Variants in ARMH3 observed in about 807,000 individuals in gnomAD.
ARMH3 encodes the protein armadillo like helical domain containing 3, also known as armadillo-like helical domain-containing protein 3.
In ARMH3, 60 loss-of-function variants were observed where a neutral mutation model predicts 99.1. The observed-to-expected ratio is 0.61, with a 90% CI of 0.49 to 0.75. The LOEUF (loss-of-function observed/expected upper bound fraction) is 0.75. Among genes scored for constraint, ARMH3 ranks in the 30% least tolerant of loss-of-function variants. ARMH3 has a pLI of 0.00. For synonymous variants in ARMH3, 285 were observed against 292.8 expected, an observed-to-expected ratio of 0.97 and a Z score of 0.27; for missense variants, 679 against 843.1, an observed-to-expected ratio of 0.81 and a Z score of 2.41.
chr10:101,939,824 A>T (rs763531776), intron 23 of ARMH3, 39 bp downstream of exon 23: 1 of 1,554,678 alleles, frequency 6.4e-7, no homozygotes, highest in Non-Finnish European at 8.9e-7. Context: ...CCTCAGGAAG[A>T]GCCAAGGAAC....
intron 20 of ARMH3, among the ~76,000 whole-genome samples, chr10:101,968,067 C>T (rs1845613122): frequency 6.6e-6 from 1 of 152,084 alleles, no homozygotes; most frequent in Non-Finnish European, 1.5e-5. Flanking sequence ...ATAAGGTTCT[C>T]AACCATCTTC....
intron 9 of ARMH3, among the ~76,000 whole-genome samples, 161 bp downstream of exon 9, chr10:102,013,807 C>CCATCTTCTCCTTACACCTAGCA (rs2066682257): frequency 6.6e-6 from 1 of 152,154 alleles, no homozygotes; most frequent in Non-Finnish European, 1.5e-5. Flanking sequence ...GACAGTAAAA[C>CCATCTTCTCCTTACACCTAGCA]GGTAGCACTG....
At chr10:102,015,793 C>A (rs1156280108) in intron 8 of ARMH3, among the ~76,000 whole-genome samples, 1 of 152,190 alleles carries the variant, frequency 6.6e-6, no homozygotes, top group Non-Finnish European at 1.5e-5. Flanking sequence ...AGCTAAGTTT[C>A]TATTTCCTCA....
At chr10:102,045,588 G>C (rs2067528617) in intron 1 of ARMH3, among the ~76,000 whole-genome samples, 1 of 152,220 alleles carries the variant, frequency 6.6e-6, no homozygotes, top group African/African-American at 2.4e-5. Context: ...TGCCTAAACA[G>C]AGCATAAACA....
intron 14 of ARMH3, 130 bp downstream of exon 14, chr10:102,006,410 G>T: frequency 1.1e-6 from 1 of 900,524 alleles, no homozygotes; most frequent in Non-Finnish European, 1.7e-6. Context: ...AGGCCTGAAG[G>T]ATAGTACTAC....
chr10:101,892,387 G>T (rs1030620211), intron 23 of ARMH3, among the ~76,000 whole-genome samples: 3 of 152,004 alleles, frequency 2.0e-5, no homozygotes, highest in African/African-American at 7.2e-5. Flanking sequence ...TGAGCCCAGG[G>T]GGATGAGGCT....
chr10:102,055,028 CAAAA>C (rs149001297), intron 1 of ARMH3, among the ~76,000 whole-genome samples: 1 of 126,700 alleles, frequency 7.9e-6, no homozygotes, highest in Admixed American at 8.1e-5. Flanking sequence ...AACAAACAAA[CAAAA>C]AAAAAAAGGC....
Position 101,957,694 on chromosome 10 carries a change from T to C in ARMH3, c.1534A>G (p.Thr512Ala), listed in dbSNP as rs1845102246. The part of the protein sequence containing the change: ...NLLKFLMSNE[T>A]VLLAKHNIFT... ...ATGTTGTGTTTGGCCAAAAGTACAG[T>C]CTCATTTGACATAAGGAACTTCAGC... Residue 512 changes from threonine (T) to alanine (A), a missense_variant, in exon 21 of 26, where the codon ACT becomes GCT. By Grantham distance (58) the Thr-to-Ala change is moderately conservative (BLOSUM62 0). This residue lies in a region of ARMH3 where 389 missense variants were observed against 456.5 expected (regional missense o/e 0.85). Coordinates refer to ENST00000370033, the MANE Select transcript of ARMH3 (RefSeq NM_024541.3). 1 of 1,607,188 alleles carries C rather than the reference T, an allele frequency of 6.2e-7. No homozygotes were observed. Among genetic ancestry groups the C allele is most frequent in the East Asian group, 2.2e-5 (1 of 44,788 alleles).
At chr10:102,007,356 G>T (rs2066523159) in intron 13 of ARMH3, among the ~76,000 whole-genome samples, 2 of 148,348 alleles carry the variant, frequency 1.3e-5, no homozygotes, top group South Asian at 4.2e-4. Flanking sequence ...AAAAAAAACT[G>T]GGGTCAACAA....
intron 22 of ARMH3, among the ~76,000 whole-genome samples, chr10:101,941,269 G>T (rs115225919): frequency 4.1e-4 from 63 of 152,238 alleles, no homozygotes; most frequent in African/African-American, 1.4e-3. Flanking sequence ...CTATATGAAA[G>T]AATTGTTATA....
At chr10:101,969,470 T>C (rs1400564707) in intron 20 of ARMH3, among the ~76,000 whole-genome samples, 1 of 152,226 alleles carries the variant, frequency 6.6e-6, no homozygotes, top group Non-Finnish European at 1.5e-5. Flanking sequence ...CAGTCCTGTA[T>C]GGCAACACTT....
intron 23 of ARMH3, among the ~76,000 whole-genome samples, chr10:101,900,970 C>A (rs1388851811): frequency 1.3e-5 from 2 of 151,854 alleles, no homozygotes; most frequent in Non-Finnish European, 2.9e-5. Context: ...GGCAACAGAG[C>A]AAGACCCTGT....
At chr10:101,883,458 CTA>C (rs916581182) in intron 24 of ARMH3, among the ~76,000 whole-genome samples, 3 of 151,930 alleles carry the variant, frequency 2.0e-5, no homozygotes, top group Non-Finnish European at 2.9e-5. Flanking sequence ...GAGGGAGTAT[CTA>C]AGAGTGTCAG....
chr10:101,978,208 A>T (rs560472822), intron 19 of ARMH3, among the ~76,000 whole-genome samples: 1 of 152,218 alleles, frequency 6.6e-6, no homozygotes, highest in Non-Finnish European at 1.5e-5. Context: ...CAACTATGGA[A>T]AGAACATTTG....
At chr10:101,886,244 T>C (rs1183445447) in intron 24 of ARMH3, among the ~76,000 whole-genome samples, 1 of 151,974 alleles carries the variant, frequency 6.6e-6, no homozygotes, top group Admixed American at 6.6e-5. Flanking sequence ...CTGGGTGCAG[T>C]GGCTCATGCC....
chr10:101,881,655 G>A (rs2067423197), intron 24 of ARMH3, among the ~76,000 whole-genome samples: 1 of 152,118 alleles, frequency 6.6e-6, no homozygotes, highest in South Asian at 2.1e-4. Flanking sequence ...AAATGCTTGT[G>A]AATTGAACCA....
intron 24 of ARMH3, among the ~76,000 whole-genome samples, chr10:101,853,106 G>A (rs1165504662): frequency 1.3e-5 from 2 of 148,782 alleles, no homozygotes; most frequent in Non-Finnish European, 3.0e-5. Context: ...GGCTAGGCTG[G>A]TCTCGAACTC....
intron 8 of ARMH3, among the ~76,000 whole-genome samples, chr10:102,017,762 CA>C (rs1290429531): frequency 1.3e-5 from 2 of 152,182 alleles, no homozygotes; most frequent in Non-Finnish European, 2.9e-5. Context: ...CTCTACCCAC[CA>C]TTCATCAGTT....
intron 22 of ARMH3, among the ~76,000 whole-genome samples, chr10:101,947,279 G>C (rs1844576636): frequency 2.0e-5 from 3 of 152,068 alleles, no homozygotes. Flanking sequence ...CAGAAACCAT[G>C]GAGGCCAGAA....
Sources: gnomAD v4.1 joint callset for allele counts (sites outside exome capture counted in the v4.1 genomes callset) on GRCh38, gnomAD v4.1.1 for gene constraint, gnomAD v4.1.1 regional missense constraint, MANE v1.5 for transcripts, NCBI Gene and HGNC (gene_info 2026-07-23, HGNC 2026-07-21) for gene names.